Variants in CREB5 observed in about 807,000 individuals in gnomAD.
CREB5 encodes cyclic AMP-responsive element-binding protein 5.
Under a neutral mutation model 57.1 loss-of-function variants are expected in CREB5, and 19 were observed. The observed-to-expected ratio is 0.33, with a 90% CI of 0.23 to 0.49. The LOEUF is 0.49. Among genes scored for constraint, CREB5 ranks in the 20% least tolerant of loss-of-function variants. CREB5 has a pLI of 0.99. For missense variants in CREB5, 579 were observed against 671.6 expected (o/e 0.86, Z 1.52); for synonymous variants, 238 against 238.3 (o/e 1.00, Z 0.01).
chr7:28,729,314 A>G (rs1803488823), intron 7 of CREB5, among the ~76,000 whole-genome samples: 1 of 152,170 alleles, frequency 6.6e-6, no homozygotes, highest in African/African-American at 2.4e-5. Flanking sequence ...TCTACCTAGA[A>G]TTGTGATTTC....
At chr7:28,582,614 G>A (rs1384023295) in intron 5 of CREB5, among the ~76,000 whole-genome samples, 1 of 152,088 alleles carries the variant, frequency 6.6e-6, no homozygotes. Flanking sequence ...ATGGTGATGG[G>A]TCTCATTTTT....
At chr7:28,394,537 C>G (rs35801983) in intron 1 of CREB5, among the ~76,000 whole-genome samples, 9 of 152,222 alleles carry the variant, frequency 5.9e-5, no homozygotes, top group African/African-American at 1.9e-4. Flanking sequence ...AATCTGGAGT[C>G]GCTGTATTAA....
intron 7 of CREB5, among the ~76,000 whole-genome samples, chr7:28,800,409 G>A (rs1198768552): frequency 6.6e-6 from 1 of 152,212 alleles, no homozygotes; most frequent in Non-Finnish European, 1.5e-5. Context: ...GGGCTGACGG[G>A]AAGGCAGGCC....
At chr7:28,602,171 G>A (rs1404086372) in intron 5 of CREB5, among the ~76,000 whole-genome samples, 1 of 152,146 alleles carries the variant, frequency 6.6e-6, no homozygotes, top group African/African-American at 2.4e-5. Flanking sequence ...CTGTCGCCCA[G>A]GCTGGAGTGC....
At chr7:28,414,112 G>A (rs1787926869) in intron 1 of CREB5, among the ~76,000 whole-genome samples, 1 of 151,460 alleles carries the variant, frequency 6.6e-6, no homozygotes, top group Non-Finnish European at 1.5e-5. Flanking sequence ...ATTAAAATTG[G>A]GATTTGAGTG....
chr7:28,385,001 T>TA (rs546046831), intron 1 of CREB5, among the ~76,000 whole-genome samples: 191 of 151,836 alleles, frequency 1.3e-3, no homozygotes, highest in African/African-American at 4.4e-3. Flanking sequence ...GTTCTCTCTT[T>TA]AAAAAAAAAT....
intron 1 of CREB5, among the ~76,000 whole-genome samples, chr7:28,462,866 GT>G (rs1790405372): frequency 6.6e-6 from 1 of 151,936 alleles, no homozygotes; most frequent in African/African-American, 2.4e-5. Flanking sequence ...CATTCTGTGG[GT>G]TTTCTTTTCA....
intron 7 of CREB5, among the ~76,000 whole-genome samples, chr7:28,732,109 T>G (rs1461870265): frequency 6.6e-6 from 1 of 152,144 alleles, no homozygotes; most frequent in Non-Finnish European, 1.5e-5. Context: ...AGAGGGGTTT[T>G]GAAACGCCCC....
intron 7 of CREB5, among the ~76,000 whole-genome samples, chr7:28,753,856 T>C (rs1367959508): frequency 6.6e-6 from 1 of 152,064 alleles, no homozygotes; most frequent in Non-Finnish European, 1.5e-5. Context: ...ATACATAGGA[T>C]GTAAGGACTA....
intron 7 of CREB5, chr7:28,726,878 C>T (rs1230273845): frequency 6.6e-6 from 1 of 152,134 alleles, no homozygotes; most frequent in Non-Finnish European, 1.5e-5. Context: ...AGCCATTATC[C>T]TAAATCTCTG....
chr7:28,640,755 T>C (rs1798625471), intron 5 of CREB5, among the ~76,000 whole-genome samples: 1 of 152,114 alleles, frequency 6.6e-6, no homozygotes, highest in African/African-American at 2.4e-5. Context: ...CTCATTCCTC[T>C]CCTTCTTCAA....
At chr7:28,635,464 C>T (rs911732250) in intron 5 of CREB5, among the ~76,000 whole-genome samples, 7 of 152,166 alleles carry the variant, frequency 4.6e-5, no homozygotes, top group African/African-American at 1.7e-4. Flanking sequence ...AGATTAAGCA[C>T]TTAATATGTG....
intron 5 of CREB5, among the ~76,000 whole-genome samples, chr7:28,680,809 A>T (rs1005623901): frequency 1.3e-5 from 2 of 151,196 alleles, no homozygotes; most frequent in Admixed American, 1.3e-4. Context: ...TTCCCCCACC[A>T]TTATTTGAGT....
intron 7 of CREB5, among the ~76,000 whole-genome samples, chr7:28,778,481 T>A (rs546138598): frequency 6.6e-6 from 1 of 152,342 alleles, no homozygotes; most frequent in Non-Finnish European, 1.5e-5. Flanking sequence ...TTGATCATGG[T>A]GGAGACATGG....
chr7:28,684,882 T>C (rs1236281496), intron 5 of CREB5, among the ~76,000 whole-genome samples: 1 of 152,108 alleles, frequency 6.6e-6, no homozygotes, highest in Non-Finnish European at 1.5e-5. Context: ...AACGGAGAGA[T>C]GATGGGGTTA....
At chr7:28,801,867 A>G (rs12667423) in intron 7 of CREB5, among the ~76,000 whole-genome samples, 3 of 152,022 alleles carry the variant, frequency 2.0e-5, no homozygotes, top group South Asian at 4.1e-4. Flanking sequence ...CAGGTGGATC[A>G]CGAGGTCAAA....
intron 7 of CREB5, among the ~76,000 whole-genome samples, chr7:28,737,633 T>C (rs1804107820): frequency 6.7e-6 from 1 of 148,636 alleles, no homozygotes; most frequent in African/African-American, 2.5e-5. Context: ...TTTTACTGGT[T>C]TAATTCATAT....
chr7:28,346,843 A>T (rs1424252078), intron 1 of CREB5, among the ~76,000 whole-genome samples: 1 of 84,990 alleles, frequency 1.2e-5, no homozygotes, highest in African/African-American at 3.7e-5. Context: ...CACAGCTACA[A>T]CTTGAAAGAT....
At chr7:28,478,140 C>T (rs576389332) in intron 1 of CREB5, among the ~76,000 whole-genome samples, 4 of 152,248 alleles carry the variant, frequency 2.6e-5, no homozygotes, top group Admixed American at 6.5e-5. Flanking sequence ...CCCCGCAAAA[C>T]CCCACACGGC....
Sources: allele counts gnomAD v4.1 joint callset (sites outside exome capture counted in the v4.1 genomes callset), GRCh38; gene constraint gnomAD v4.1.1; transcripts MANE v1.5; gene names NCBI Gene and HGNC (gene_info 2026-07-23, HGNC 2026-07-21).